The following BCKDK variants were observed in gnomAD, a reference collection of about 807,000 sequenced individuals.
BCKDK encodes the protein branched-chain alpha-ketoacid dehydrogenase kinase.
A neutral mutation model predicts 43.9 loss-of-function variants in BCKDK; 28 were observed. The observed-to-expected ratio is 0.64, with a 90% confidence interval of 0.47 to 0.87. The LOEUF (loss-of-function observed/expected upper bound fraction) is 0.87. Among genes scored for constraint, BCKDK ranks in the 40% least tolerant of loss-of-function variants. The pLI is 0.00. For missense variants in BCKDK, 483 were observed against 581.4 expected, an observed-to-expected ratio of 0.83 and a Z score of 1.74; for synonymous variants, 257 against 234.3, an observed-to-expected ratio of 1.10 and a Z score of -0.88.
chr16:31,110,457 C>T lies in BCKDK; in HGVS notation c.600C>T (p.Ile200=). The change falls in exon 7 of 12, where the codon ATC becomes ATT. Residue 200 remains isoleucine, a synonymous_variant. Transcript: ENST00000219794. This position sits in a 1 kb window ranked among gnomAD's most constrained non-coding sequence, Gnocchi z 5.4. ...LDKTLTSRLG[I]RMLATHHLAL... is the part of the protein sequence containing the mutation. Reference sequence around the variant, plus strand: ...AGACGCTGACTTCGAGGCTTGGAATCCGCATGTTGGCCACGCATCACCTGG... The same window carrying T: ...AGACGCTGACTTCGAGGCTTGGAATTCGCATGTTGGCCACGCATCACCTGG... The T allele has an allele frequency of 6.2e-7, 1 of 1,613,906 alleles. No homozygotes were observed. The highest frequency in any genetic ancestry group is 8.5e-7 in the Non-Finnish European group (1 of 1,180,038).
At position 31,108,539 on chromosome 16, in the gene BCKDK, C is replaced by A. The variant is rs562927698; in HGVS notation, c.-178+60C>A. On this transcript the variant is annotated intron_variant, in intron 1 of 11. Transcript: ENST00000219794. The surrounding 1 kb of genome is among the most constrained non-coding windows in gnomAD (Gnocchi z 6.2). ...GAGGCCCCGCGGCGCACGTCCGCAG[C>A]CTCCATCACAGCGCGGGCGCGCAGA... is the stretch of plus-strand genomic sequence containing the variant. The A allele has an allele frequency of 2.6e-5, 4 of 152,278 alleles. No homozygotes were observed. The highest frequency in any genetic ancestry group is 9.6e-5 in the African/African-American group (4 of 41,546). 9.4% of individuals were successfully genotyped at this position (152,278 alleles called of 1,614,324 possible).
Position 31,112,030 on chromosome 16 carries a change from G to A in BCKDK, c.1094+3G>A. 6.2e-7 allele frequency: 1 copy of A among 1,614,044 alleles called. No homozygotes were observed. The highest frequency in any genetic ancestry group is 8.5e-7 in the Non-Finnish European group (1 of 1,179,984). ...GCCCAGTCAGGACCCATGCACGGGT[G>A]AGACCCTGCCAGGCCAGGATGGAGG... On this transcript the variant is annotated splice_donor_region_variant and intron_variant, in intron 11 of 11. Transcript: ENST00000219794. The surrounding 1 kb of genome is among the most constrained non-coding windows in gnomAD (Gnocchi z 5.0).
In BCKDK at chr16:31,109,345, A is replaced by G. The variant is rs757585255; in HGVS notation, c.122A>G (p.Glu41Gly). The G allele has an allele frequency of 8.1e-6, 13 of 1,609,642 alleles. No individual in the cohort carries two copies. The highest frequency in any genetic ancestry group is 1.7e-5 in the Admixed American group (1 of 59,792). The change falls in exon 2 of 12, where the codon GAG becomes GGG. Residue 41 changes from glutamate to glycine, a missense_variant. By Grantham distance (98) the Glu-to-Gly change is moderately conservative. Transcript: ENST00000219794. This position sits in a 1 kb window ranked among gnomAD's most constrained non-coding sequence, Gnocchi z 5.3. ...STSATDTHHV[E>G]MARERSKTVT... Reference sequence around the variant, plus strand: ...TCGGCCACCGACACACACCACGTGGAGATGGCTCGGGAGCGCTCCAAGACC... The same window carrying G: ...TCGGCCACCGACACACACCACGTGGGGATGGCTCGGGAGCGCTCCAAGACC...
At position 31,111,062 on chromosome 16, in the gene BCKDK, CCT is replaced by C. The variant is rs773075265; in HGVS notation, c.717-28_717-27del. The C allele has an allele frequency of 1.7e-4, 276 of 1,611,790 alleles. 1 individual carries two copies. Among genetic ancestry groups the C allele is most frequent in the Non-Finnish European group, 1.9e-4 (226 of 1,178,944 alleles). On this transcript the variant is annotated intron_variant, in intron 8 of 11. Coordinates refer to ENST00000219794, the MANE Select transcript of BCKDK (RefSeq NM_005881.4). ...GTTGCAAACCACTGGTGGAGGGGCC[CCT>C]GACTGAACCCTCGCTCCTATCCGCA...
rs553956491 is a variant in BCKDK, at chr16:31,110,444, C to T, written c.587C>T (p.Ser196Leu). Residue 196 changes from serine to leucine, a missense_variant, in exon 7 of 12, where the codon TCG becomes TTG. By Grantham distance (145) the Ser-to-Leu change is moderately radical. Coordinates refer to ENST00000219794, the MANE Select transcript of BCKDK (RefSeq NM_005881.4). This position sits in a 1 kb window ranked among gnomAD's most constrained non-coding sequence, Gnocchi z 5.4. ...TACTTCTTGGACAAGACGCTGACTT[C>T]GAGGCTTGGAATCCGCATGTTGGCC... ...VRYFLDKTLTSRLGIRMLATH... is the reference protein window; with the variant it reads ...VRYFLDKTLTLRLGIRMLATH... The T allele has an allele frequency of 5.6e-6, 9 of 1,613,864 alleles. No homozygotes were observed. The Admixed American group carries it at 8.3e-5, about 15-fold the overall frequency.
rs1003748681 is a variant in BCKDK at position 31,112,459 on chromosome 16, T to G, written c.*194T>G. On this transcript the variant is annotated 3_prime_UTR_variant, in exon 12 of 12. Coordinates refer to ENST00000219794, the MANE Select transcript of BCKDK (RefSeq NM_005881.4). The surrounding 1 kb of genome is among the most constrained non-coding windows in gnomAD (Gnocchi z 5.0). Reference sequence around the variant, plus strand: ...TCCATTGCCTCCTCGCCTCCAGAACTTGGAGCAGGGAAGTGGGCACCCTGA... The same window carrying G: ...TCCATTGCCTCCTCGCCTCCAGAACGTGGAGCAGGGAAGTGGGCACCCTGA... 33 of 923,548 alleles carry G rather than the reference T, an allele frequency of 3.6e-5. No individual in the cohort carries two copies. Among genetic ancestry groups the G allele is most frequent in the Non-Finnish European group, 4.5e-5 (27 of 595,728 alleles). 57.2% of individuals were successfully genotyped at this position (923,548 alleles called of 1,614,324 possible).
Position 31,111,889 on chromosome 16 carries a change from G to C in BCKDK, c.956G>C (p.Gly319Ala). 1 of 1,614,118 alleles carries C rather than the reference G, an allele frequency of 6.2e-7. No individual in the cohort carries two copies. The highest frequency in any genetic ancestry group is 8.5e-7 in the Non-Finnish European group (1 of 1,180,006). The change falls in exon 11 of 12, where the codon GGA becomes GCA. Residue 319 changes from glycine to alanine, a missense_variant. Gly to Ala is a moderately conservative substitution (Grantham distance 60, BLOSUM62 0). Coordinates refer to ENST00000219794, the MANE Select transcript of BCKDK (RefSeq NM_005881.4). ...LIIRISDRGG[G>A]IAHKDLDRVM... ...GCTAGGATCTCAGACCGTGGTGGAG[G>C]AATCGCTCACAAAGATCTGGACCGG...
In BCKDK at chr16:31,111,121, G is replaced by A. The variant is rs914253571; in HGVS notation, c.747G>A (p.Ala249=). The change falls in exon 9 of 12, where the codon GCG becomes GCA. Residue 249 remains alanine (A), a synonymous_variant. Transcript: ENST00000219794. ...RRLCEHKYGN[A]PRVRINGHVA... ...TGTGTGAGCACAAGTATGGCAATGC[G>A]CCCCGTGTCCGCATCAATGGCCATG... The A allele has an allele frequency of 5.6e-6, 9 of 1,614,016 alleles. No individual in the cohort carries two copies. The highest frequency in any genetic ancestry group is 4.5e-5 in the East Asian group (2 of 44,890).
chr16:31,112,002 G>GCAGGACCT lies in BCKDK; in HGVS notation c.1069_1070insCAGGACCT (p.Gly357AlafsTer150). ...CTTTGGCCATCTGGACATGCATAGTGGCGCCCAGTCAGGACCCATGCACGG... is the reference window on the plus strand; with the variant it reads ...CTTTGGCCATCTGGACATGCATAGTGCAGGACCTGCGCCCAGTCAGGACCCATGCACGG... On this transcript the variant is annotated frameshift_variant, in exon 11 of 12. Coordinates refer to ENST00000219794, the MANE Select transcript of BCKDK (RefSeq NM_005881.4). LOFTEE classifies it high-confidence loss of function. This position sits in a 1 kb window ranked among gnomAD's most constrained non-coding sequence, Gnocchi z 5.0. 1 of 1,614,102 alleles carries GCAGGACCT rather than the reference G, an allele frequency of 6.2e-7. No homozygotes were observed. The highest frequency in any genetic ancestry group is 8.5e-7 in the Non-Finnish European group (1 of 1,180,018).
chr16:31,115,108 A>C (rs1197265896), downstream of BCKDK, among the ~76,000 whole-genome samples: 1 of 151,656 alleles, frequency 6.6e-6, no homozygotes, highest in African/African-American at 2.4e-5. Flanking sequence ...TTTTCAGTAG[A>C]GACGGGGTTT....
At position 31,112,252 on chromosome 16, in the gene BCKDK, G is replaced by C; in HGVS notation, c.1226G>C (p.Ser409Thr). The stretch of plus-strand genomic sequence containing the variant: ...CGCCACATCGATGGCCGGGAGGAAA[G>C]CTTCCGGATCTGACCCCACAGCCTT... ...RLRHIDGREE[S>T]FRI Residue 409 changes from serine to threonine, a missense_variant, in exon 12 of 12, where the codon AGC (serine) becomes ACC (threonine). Coordinates refer to ENST00000219794, the MANE Select transcript of BCKDK (RefSeq NM_005881.4). This position sits in a 1 kb window ranked among gnomAD's most constrained non-coding sequence, Gnocchi z 5.0. 3 of 1,609,512 alleles carry C rather than the reference G, an allele frequency of 1.9e-6. No individual in the cohort carries two copies. The highest frequency in any genetic ancestry group is 2.5e-6 in the Non-Finnish European group (3 of 1,179,974).
chr16:31,109,404 G>A lies in BCKDK; in HGVS notation c.181G>A (p.Ala61Thr). The A allele has an allele frequency of 6.2e-7, 1 of 1,608,256 alleles. No homozygotes were observed. Among genetic ancestry groups the A allele is most frequent in the Non-Finnish European group, 8.5e-7 (1 of 1,176,158 alleles). ...CTTTTACAACCAGTCGGCCATCGAC[G>A]CGGCAGCGGAGAAGGTGCGCAAGGG... is the stretch of plus-strand genomic sequence containing the variant. ...TSFYNQSAID[A>T]AAEKPSVRLT... is the part of the protein sequence containing the mutation. Residue 61 changes from alanine (A) to threonine (T), a missense_variant, in exon 2 of 12, where the codon GCG (alanine) becomes ACG (threonine). By Grantham distance (58) the Ala-to-Thr change is moderately conservative. Coordinates refer to ENST00000219794, the MANE Select transcript of BCKDK (RefSeq NM_005881.4). The surrounding 1 kb of genome is among the most constrained non-coding windows in gnomAD (Gnocchi z 5.3).
chr16:31,111,806 T>C, intron 10 of BCKDK, 63 bp from the exon 11 acceptor site: 1 of 1,595,322 alleles, frequency 6.3e-7, no homozygotes, highest in Non-Finnish European at 8.6e-7. Context: ...CACTGTCTGC[T>C]TGGGGGGTGG....
chr16:31,117,398 A>AAATAAATTAATT (rs377332555), downstream of BCKDK: 1,771 of 234,256 alleles, frequency 7.6e-3, 16 homozygotes, highest in Non-Finnish European at 0.011. Flanking sequence ...ATAAATAAAT[A>AAATAAATTAATT]AATTAAAAAA....
chr16:31,108,910 C>T lies in BCKDK; in HGVS notation c.-177-137C>T, dbSNP rs973155594. The T allele has an allele frequency of 4.2e-5, 10 of 239,518 alleles. No homozygotes were observed. The highest frequency in any genetic ancestry group is 9.0e-5 in the African/African-American group (4 of 44,400). 14.8% of individuals were successfully genotyped at this position (239,518 alleles called of 1,614,324 possible). ...GGGAGGCTAGGTCCTTTGGGCGCGGCCTGTGTGCATCTGGGGAGACGGTGG... is the reference window on the plus strand; with the variant it reads ...GGGAGGCTAGGTCCTTTGGGCGCGGTCTGTGTGCATCTGGGGAGACGGTGG... On this transcript the variant is annotated intron_variant, in intron 1 of 11. Coordinates refer to ENST00000219794, the MANE Select transcript of BCKDK (RefSeq NM_005881.4). This position sits in a 1 kb window ranked among gnomAD's most constrained non-coding sequence, Gnocchi z 6.2.
At position 31,110,003 on chromosome 16, in the gene BCKDK, TGGGTAGGTGG is replaced by T; in HGVS notation, c.376-69_376-60del. 3 of 1,587,392 alleles carry T rather than the reference TGGGTAGGTGG, an allele frequency of 1.9e-6. No individual in the cohort carries two copies. Among genetic ancestry groups the T allele is most frequent in the Non-Finnish European group, 2.6e-6 (3 of 1,156,188 alleles). On this transcript the variant is annotated intron_variant, in intron 4 of 11. Coordinates refer to ENST00000219794, the MANE Select transcript of BCKDK (RefSeq NM_005881.4). This position sits in a 1 kb window ranked among gnomAD's most constrained non-coding sequence, Gnocchi z 5.4. ...TCGACCAGCTGGGTGGTGATCCCCA[TGGGTAGGTGG>T]GGGTGGCTGTTCTCTGCTCAGTGCC...
At position 31,109,785 on chromosome 16, in the gene BCKDK, TA is replaced by T; in HGVS notation, c.375+4del. The T allele has an allele frequency of 6.2e-7, 1 of 1,613,472 alleles. No homozygotes were observed. The highest frequency in any genetic ancestry group is 8.5e-7 in the Non-Finnish European group (1 of 1,179,848). ...TGCAACCCCACCATACTGCACGTGG[TA>T]AGGTAGAGAGGACCTTAGGTCAGCG... On this transcript the variant is annotated splice_donor_region_variant and intron_variant, in intron 4 of 11. Transcript: ENST00000219794. The surrounding 1 kb of genome is among the most constrained non-coding windows in gnomAD (Gnocchi z 5.3).
rs755584594 is a variant in BCKDK at position 31,112,005 on chromosome 16, G to A, written c.1072G>A (p.Ala358Thr). The change falls in exon 11 of 12, where the codon GCC becomes ACC. Residue 358 changes from alanine to threonine, a missense_variant. Coordinates refer to ENST00000219794, the MANE Select transcript of BCKDK (RefSeq NM_005881.4). This position sits in a 1 kb window ranked among gnomAD's most constrained non-coding sequence, Gnocchi z 5.0. ...TGGCCATCTGGACATGCATAGTGGC[G>A]CCCAGTCAGGACCCATGCACGGGTG... ...LFGHLDMHSG[A>T]QSGPMHGFGF... 1.1e-5 allele frequency: 18 copies of A among 1,613,956 alleles called. No homozygotes were observed. The African/African-American group carries it at 1.2e-4, about 11-fold the overall frequency.
downstream of BCKDK, among the ~76,000 whole-genome samples, chr16:31,114,759 G>A (rs1197615665): frequency 6.6e-6 from 1 of 152,148 alleles, no homozygotes; most frequent in Non-Finnish European, 1.5e-5. Context: ...TAACTGCTGG[G>A]GATTGGTTCC....
Sources: allele counts gnomAD v4.1 joint callset (sites outside exome capture counted in the v4.1 genomes callset), GRCh38; gene constraint gnomAD v4.1.1; non-coding constraint Gnocchi (gnomAD v3.1); transcripts MANE v1.5; gene names NCBI Gene and HGNC (gene_info 2026-07-23, HGNC 2026-07-21).